The following THBS3 variants were observed in gnomAD, a reference collection of about 807,000 sequenced individuals.
The protein encoded by THBS3 is thrombospondin-3.
A neutral mutation model predicts 118.3 loss-of-function variants in THBS3; 78 were observed. That is an observed-to-expected ratio of 0.66 (90% CI 0.55 to 0.80). The LOEUF (loss-of-function observed/expected upper bound fraction) is 0.80, where lower values mean the gene tolerates loss of function less well. Ranked by LOEUF, THBS3 falls within the 30% of genes least tolerant of loss-of-function variation. The pLI is 0.00. For synonymous variants in THBS3, 427 were observed against 475.3 expected (o/e 0.90, Z 1.32); for missense variants, 1,057 against 1,247.4 (o/e 0.85, Z 2.30).
rs1268826378 is a variant in THBS3 at position 155,201,522 on chromosome 1, C to T, written c.1224G>A (p.Gln408=). ...GPCRLGFLGN[Q]SQGCLPARTC... is the part of the protein sequence containing the mutation. ...TCCGGGCTGGGAGGCAGCCCTGGCT[C>T]TGGTTGCCCAGGAAACCCAGGCGGC... Residue 408 remains glutamine, a synonymous_variant, in exon 11 of 23, where the codon CAG becomes CAA. Transcript: ENST00000368378. 6.2e-7 allele frequency: 1 copy of T among 1,614,130 alleles called. No homozygotes were observed.
At position 155,202,183 on chromosome 1, in the gene THBS3, G is replaced by A. The variant is rs1669856145; in HGVS notation, c.1098+78C>T. 6.3e-7 allele frequency: 1 copy of A among 1,593,856 alleles called. No individual in the cohort carries two copies. The highest frequency in any genetic ancestry group is 8.6e-7 in the Non-Finnish European group (1 of 1,168,526). ...GCCATCCATGTCCCATTCATCACAAGGGTCCCATGTCCAACCCAGAAGCCC... is the reference window on the plus strand; with the variant it reads ...GCCATCCATGTCCCATTCATCACAAAGGTCCCATGTCCAACCCAGAAGCCC... On this transcript the variant is annotated intron_variant, in intron 9 of 22. Transcript: ENST00000368378. This position sits in a 1 kb window ranked among gnomAD's most constrained non-coding sequence, Gnocchi z 5.5.
chr1:155,208,632 C>G (rs1670877963), upstream of THBS3: 3 of 686,058 alleles, frequency 4.4e-6, no homozygotes, highest in South Asian at 6.4e-5. Context: ...CCGGATGAAG[C>G]AGAGGGGCGC....
chr1:155,200,073 G>A lies in THBS3; in HGVS notation c.1749C>T (p.Asn583=). The part of the protein sequence containing the change: ...NGLDNCPKVP[N]PLQTDRDEDG... ...CCTCATCCCTGTCTGTCTGTAGTGG[G>A]TTGGGGACTTTAGGGCAATTGTCCA... The change falls in exon 15 of 23, where the codon AAC becomes AAT. Residue 583 remains asparagine (N), a synonymous_variant. Coordinates refer to ENST00000368378, the MANE Select transcript of THBS3 (RefSeq NM_007112.5). 2 of 1,595,598 alleles carry A rather than the reference G, an allele frequency of 1.3e-6. No individual in the cohort carries two copies. Among genetic ancestry groups the A allele is most frequent in the Non-Finnish European group, 1.7e-6 (2 of 1,170,932 alleles).
In THBS3 at chr1:155,195,838, T is replaced by C. The variant is rs777494765; in HGVS notation, c.*3A>G. 1 of 1,613,864 alleles carries C rather than the reference T, an allele frequency of 6.2e-7. No individual in the cohort carries two copies. Among genetic ancestry groups the C allele is most frequent in the Non-Finnish European group, 8.5e-7 (1 of 1,179,984 alleles). On this transcript the variant is annotated 3_prime_UTR_variant, in exon 23 of 23. Coordinates refer to ENST00000368378, the MANE Select transcript of THBS3 (RefSeq NM_007112.5). ...CTGAATTCTGAATCTGGTGGCCTCC[T>C]CCTCACACCCTTCCCTGGAGCAGCT...
chr1:155,205,337 G>A (rs2148019249), intron 2 of THBS3, 21 bp from the exon 3 acceptor site: 1 of 1,606,104 alleles, frequency 6.2e-7, no homozygotes, highest in Non-Finnish European at 8.5e-7. Flanking sequence ...GGGGAGATCA[G>A]TATGGGCGCT....
chr1:155,200,947 C>T lies in THBS3; in HGVS notation c.1498G>A (p.Gly500Arg). Residue 500 changes from glycine to arginine, a missense_variant, in exon 13 of 23, where the codon GGG becomes AGG. Transcript: ENST00000368378. ...TCAGCATCATCATCACACTGGTCCC[C>T]CACACCATCATTATCAGCATCTTCC... ...GQEDADNDGV[G>R]DQCDDDADGD... The T allele has an allele frequency of 6.2e-7, 1 of 1,614,148 alleles. No homozygotes were observed.
At chr1:155,209,085 TC>T, upstream of THBS3, 1 of 1,540,996 alleles carries the variant, frequency 6.5e-7, no homozygotes, top group Non-Finnish European at 8.8e-7. Context: ...CGCGGCCCAG[TC>T]CCCCGCAGTT....
chr1:155,201,905 G>A, intron 10 of THBS3, 52 bp downstream of exon 10: 9 of 1,610,266 alleles, frequency 5.6e-6, no homozygotes, highest in Non-Finnish European at 7.6e-6. Context: ...GGCGGGGGTT[G>A]GGGTTTTACC....
rs1571917571 is a variant in THBS3 at position 155,204,651 on chromosome 1, C to G, written c.646+204G>C. ...GCCAAGGCCAAGCAATTAACCAATT[C>G]TTCTCTTAGATCACTTTTTTTCTCG... On this transcript the variant is annotated intron_variant, in intron 4 of 22. Transcript: ENST00000368378. The G allele has an allele frequency of 5.0e-5, 29 of 578,290 alleles. No individual in the cohort carries two copies. The East Asian group carries it at 8.1e-4, about 16-fold the overall frequency. 35.8% of individuals were successfully genotyped at this position (578,290 alleles called of 1,614,324 possible). A position where few individuals can be genotyped will look rare whatever the true frequency, so the allele number is the denominator to read the frequency against.
In THBS3 at chr1:155,197,018, G is replaced by A. The variant is rs1177621634; in HGVS notation, c.2672+23C>T. 3 of 1,606,262 alleles carry A rather than the reference G, an allele frequency of 1.9e-6. No individual in the cohort carries two copies. The highest frequency in any genetic ancestry group is 4.5e-5 in the East Asian group (2 of 44,666). ...GACAGGCCCGGCCTGAGTCCCACAGGTGGGCTCAGCCCCTCTCCTTACCGA... is the reference window on the plus strand; with the variant it reads ...GACAGGCCCGGCCTGAGTCCCACAGATGGGCTCAGCCCCTCTCCTTACCGA... On this transcript the variant is annotated intron_variant, in intron 21 of 22. Coordinates refer to ENST00000368378, the MANE Select transcript of THBS3 (RefSeq NM_007112.5). The surrounding 1 kb of genome is among the most constrained non-coding windows in gnomAD (Gnocchi z 5.0).
At chr1:155,200,876 G>A in intron 13 of THBS3, 21 bp downstream of exon 13, 3 of 1,614,098 alleles carry the variant, frequency 1.9e-6, no homozygotes, top group South Asian at 2.2e-5. Context: ...GCTTCAAGGG[G>A]CAGGGCAGTC....
At chr1:155,208,701 G>A, upstream of THBS3, 10 of 888,630 alleles carry the variant, frequency 1.1e-5, no homozygotes, top group East Asian at 3.1e-5. Context: ...CCCCACCCAA[G>A]CCCCAGCCCG....
intron 3 of THBS3, 31 bp from the exon 4 acceptor site, chr1:155,204,988 AG>A (rs1284692236): frequency 6.2e-7 from 1 of 1,613,714 alleles, no homozygotes; most frequent in Non-Finnish European, 8.5e-7. Flanking sequence ...TAAGGTGGGA[AG>A]GTCTACCAAC....
chr1:155,209,059 G>T, upstream of THBS3: 1 of 1,538,048 alleles, frequency 6.5e-7, no homozygotes, highest in Non-Finnish European at 8.8e-7. Context: ...GCCGGCGGCC[G>T]CCCTCCCCCG....
rs966984410 is a variant in THBS3 at position 155,197,279 on chromosome 1, G to C, written c.2500-66C>G. The C allele has an allele frequency of 2.3e-5, 36 of 1,583,558 alleles. No homozygotes were observed. The highest frequency in any genetic ancestry group is 1.7e-4 in the Middle Eastern group (1 of 5,968). On this transcript the variant is annotated intron_variant, in intron 20 of 22. Coordinates refer to ENST00000368378, the MANE Select transcript of THBS3 (RefSeq NM_007112.5). This position sits in a 1 kb window ranked among gnomAD's most constrained non-coding sequence, Gnocchi z 5.0. ...TGGAGTGAGGGGAGACAACAGGTCG[G>C]TAAGTGCAGGTGGGAAAGGGATTCA...
At chr1:155,203,942 ACTCTCCTGC>A (rs986127785) in intron 4 of THBS3, among the ~76,000 whole-genome samples, 1 of 150,478 alleles carries the variant, frequency 6.6e-6, no homozygotes, top group African/African-American at 2.4e-5. Context: ...GGTTCAAGCA[ACTCTCCTGC>A]CTCCGCCTCC....
At chr1:155,203,419 C>T in intron 5 of THBS3, 94 bp downstream of exon 5, 1 of 1,591,022 alleles carries the variant, frequency 6.3e-7, no homozygotes, top group South Asian at 1.1e-5. Flanking sequence ...AAACCTACTA[C>T]ATTCCTGACT....
intron 1 of THBS3, 80 bp downstream of exon 1, chr1:155,207,718 C>T: frequency 6.8e-7 from 1 of 1,459,944 alleles, no homozygotes. Context: ...CTCCCCTTGC[C>T]CACATGTTCT....
At position 155,201,170 on chromosome 1, in the gene THBS3, C is replaced by T; in HGVS notation, c.1364G>A (p.Cys455Tyr). ...NVGWAGNGNV[C>Y]GTDTDIDGYP... The stretch of plus-strand genomic sequence containing the variant: ...GCCATCGATGTCTGTGTCAGTCCCA[C>T]ACACGTTCCCATTCCCAGCCCAGCC... The change falls in exon 12 of 23, where the codon TGT becomes TAT. Residue 455 changes from cysteine to tyrosine, a missense_variant. Physicochemically the swap from Cys to Tyr is radical, Grantham distance 194. Coordinates refer to ENST00000368378, the MANE Select transcript of THBS3 (RefSeq NM_007112.5). 6.2e-7 allele frequency: 1 copy of T among 1,614,180 alleles called. No homozygotes were observed. The highest frequency in any genetic ancestry group is 8.5e-7 in the Non-Finnish European group (1 of 1,180,038).
Sources: gnomAD v4.1 joint callset for allele counts (sites outside exome capture counted in the v4.1 genomes callset) on GRCh38, gnomAD v4.1.1 for gene constraint, Gnocchi (gnomAD v3.1) non-coding constraint, MANE v1.5 for transcripts, NCBI Gene and HGNC (gene_info 2026-07-23, HGNC 2026-07-21) for gene names.